The following MCTP2 variants were observed in gnomAD, a reference collection of about 807,000 sequenced individuals.
The protein encoded by MCTP2 is multiple C2 and transmembrane domain-containing protein 2.
MCTP2 carries 132 observed loss-of-function variants against 111.6 expected under a neutral mutation model. That is an observed-to-expected ratio of 1.18 (90% CI 1.03 to 1.37). The LOEUF (loss-of-function observed/expected upper bound fraction) is 1.37. MCTP2 is among the 40% of genes most tolerant of loss of function. The probability of loss-of-function intolerance (pLI) is 0.00; values close to 1 mark genes in which losing one functional copy is unlikely to be tolerated. For missense variants in MCTP2, 1,183 were observed against 1,067.9 expected, an observed-to-expected ratio of 1.11 and a Z score of -1.50; for synonymous variants, 395 against 387.7, an observed-to-expected ratio of 1.02 and a Z score of -0.22.
Position 94,236,391 on chromosome 15 carries a change from T to C in MCTP2, c.-66+4727T>C, listed in dbSNP as rs911630530. On this transcript the variant is annotated intron_variant, in intron 1 of 22. Coordinates refer to ENST00000357742, the MANE Select transcript of MCTP2 (RefSeq NM_001385001.1). ...TTCTTTTTTTTCTTTTTTTTTTTTT[T>C]TTTTTTTTTTTTTTACGAAATAGCC... Among the ~76,000 whole-genome samples, 1,100 of 140,458 alleles carry C rather than the reference T, an allele frequency of 7.8e-3. 15 individuals carry two copies. The highest frequency in any genetic ancestry group is 0.028 in the African/African-American group (1,039 of 37,370). 92.1% of individuals were successfully genotyped at this position (140,458 alleles called of 152,430 possible).
At chr15:94,368,239 G>A (rs2079301760) in intron 11 of MCTP2, among the ~76,000 whole-genome samples, 1 of 152,208 alleles carries the variant, frequency 6.6e-6, no homozygotes, top group African/African-American at 2.4e-5. Flanking sequence ...AATAACACTA[G>A]CTGGACATGA....
At chr15:94,326,338 A>G (rs550655874) in intron 4 of MCTP2, among the ~76,000 whole-genome samples, 3 of 152,140 alleles carry the variant, frequency 2.0e-5, no homozygotes, top group Non-Finnish European at 4.4e-5. Context: ...ATGCCACAAC[A>G]AACGTTCTTA....
intron 17 of MCTP2, 27 bp downstream of exon 17, chr15:94,402,046 T>C: frequency 6.2e-7 from 1 of 1,605,106 alleles, no homozygotes; most frequent in Non-Finnish European, 8.5e-7. Context: ...ATGTTCAAAC[T>C]ATTTGCTTCT....
chr15:94,470,486 A>G, intron 21 of MCTP2, 44 bp downstream of exon 21: 1 of 1,239,420 alleles, frequency 8.1e-7, no homozygotes, highest in Non-Finnish European at 1.2e-6. Flanking sequence ...ATTCCAGGTA[A>G]GAACCAATTA....
At chr15:94,334,667 C>T (rs1343968292) in intron 4 of MCTP2, among the ~76,000 whole-genome samples, 1 of 152,080 alleles carries the variant, frequency 6.6e-6, no homozygotes, top group Non-Finnish European at 1.5e-5. Context: ...TTCTGAGTAG[C>T]TGGGACCACA....
At chr15:94,312,805 A>G (rs2076207597) in intron 2 of MCTP2, among the ~76,000 whole-genome samples, 1 of 152,158 alleles carries the variant, frequency 6.6e-6, no homozygotes, top group Non-Finnish European at 1.5e-5. Context: ...AGTGGGCCAG[A>G]AAGCCCGTCC....
At chr15:94,244,283 CACAT>C (rs1322873076) in intron 1 of MCTP2, among the ~76,000 whole-genome samples, 13 of 146,816 alleles carry the variant, frequency 8.9e-5, no homozygotes, top group African/African-American at 2.7e-4. Context: ...CACATATATA[CACAT>C]ACATATGTGT....
intron 8 of MCTP2, among the ~76,000 whole-genome samples, chr15:94,346,982 C>A (rs906623794): frequency 6.6e-6 from 1 of 151,928 alleles, no homozygotes; most frequent in East Asian, 1.9e-4. Context: ...ATATAATACG[C>A]GCCCATCCCG....
chr15:94,466,797 C>T (rs2152536279), intron 20 of MCTP2, among the ~76,000 whole-genome samples: 1 of 152,192 alleles, frequency 6.6e-6, no homozygotes, highest in South Asian at 2.1e-4. Context: ...TTTTTATTTT[C>T]ATGTCAGCCT....
At chr15:94,318,055 G>A (rs910097814) in intron 4 of MCTP2, among the ~76,000 whole-genome samples, 1 of 152,090 alleles carries the variant, frequency 6.6e-6, no homozygotes, top group African/African-American at 2.4e-5. Flanking sequence ...ATAAACCAGT[G>A]TAGGGGTGCC....
intron 1 of MCTP2, among the ~76,000 whole-genome samples, chr15:94,253,920 A>G (rs890674011): frequency 2.6e-5 from 4 of 152,094 alleles, no homozygotes; most frequent in African/African-American, 7.2e-5. Flanking sequence ...TGCTTTTTAC[A>G]TGATCCTTGA....
chr15:94,341,971 T>C (rs929565784), intron 7 of MCTP2: 2 of 152,286 alleles, frequency 1.3e-5, no homozygotes, highest in East Asian at 3.9e-4. Flanking sequence ...CTTGACAGCA[T>C]TGCTGCTGCA....
intron 1 of MCTP2, among the ~76,000 whole-genome samples, chr15:94,267,900 C>G (rs2073652354): frequency 2.0e-5 from 1 of 49,238 alleles, no homozygotes; most frequent in African/African-American, 1.0e-4. Context: ...GAGTCTTGCT[C>G]TGTCGCCCAG....
At chr15:94,374,585 A>G (rs564807606) in intron 12 of MCTP2, among the ~76,000 whole-genome samples, 4 of 152,344 alleles carry the variant, frequency 2.6e-5, no homozygotes, top group African/African-American at 7.2e-5. Context: ...GTGGGTTCAT[A>G]TAGCTACCTT....
intron 1 of MCTP2, among the ~76,000 whole-genome samples, chr15:94,250,740 G>T (rs1222244793): frequency 1.3e-5 from 2 of 152,156 alleles, no homozygotes; most frequent in African/African-American, 2.4e-5. Context: ...AATACATTTT[G>T]ATTTTTATGC....
chr15:94,234,947 G>A (rs2070440140), intron 1 of MCTP2, among the ~76,000 whole-genome samples: 1 of 152,124 alleles, frequency 6.6e-6, no homozygotes, highest in African/African-American at 2.4e-5. Context: ...AGTGAGCAGA[G>A]AGCCATTAAA....
chr15:94,313,188 C>T (rs1242920599), intron 2 of MCTP2, among the ~76,000 whole-genome samples: 2 of 152,156 alleles, frequency 1.3e-5, no homozygotes, highest in African/African-American at 2.4e-5. Flanking sequence ...GCTGGGAGGC[C>T]ATTTGCCCAT....
intron 12 of MCTP2, among the ~76,000 whole-genome samples, chr15:94,372,481 C>T (rs556282489): frequency 2.6e-5 from 4 of 152,240 alleles, no homozygotes; most frequent in East Asian, 1.9e-4. Flanking sequence ...TTCACATTAC[C>T]GTGAGGTAGC....
At chr15:94,470,552 A>G (rs560049985) in intron 21 of MCTP2, 110 bp downstream of exon 21, 2 of 868,084 alleles carry the variant, frequency 2.3e-6, no homozygotes, top group African/African-American at 1.7e-5. Flanking sequence ...GCAATTAAAC[A>G]TGAGATTAAG....
Sources: gnomAD v4.1 joint callset for allele counts (sites outside exome capture counted in the v4.1 genomes callset) on GRCh38, gnomAD v4.1.1 for gene constraint, MANE v1.5 for transcripts, NCBI Gene and HGNC (gene_info 2026-07-23, HGNC 2026-07-21) for gene names.